The following MYO1G variants were observed in gnomAD, a reference collection of about 807,000 sequenced individuals.
MYO1G encodes the protein myosin IG, also known as unconventional myosin-Ig.
A neutral mutation model predicts 115.3 loss-of-function variants in MYO1G; 65 were observed. The observed-to-expected ratio is 0.56, with a 90% CI of 0.46 to 0.69. MYO1G has a LOEUF of 0.69. Among genes scored for constraint, MYO1G ranks in the 30% least tolerant of loss-of-function variants. The probability of loss-of-function intolerance (pLI) is 0.00; values close to 1 mark genes in which losing one functional copy is unlikely to be tolerated. For synonymous variants in MYO1G, 510 were observed against 552.6 expected (o/e 0.92, Z 1.08); for missense variants, 1,204 against 1,393.5 (o/e 0.86, Z 2.16).
rs777914591 is a variant in MYO1G at position 44,966,147 on chromosome 7, A to T, written c.2083T>A (p.Ser695Thr). The stretch of plus-strand genomic sequence containing the variant: ...TCCAGTGTGACCAGTGTCCGGGGTG[A>T]GCGGATGAACAGCTTGCTGTGGCCA... ...AFGHSKLFIR[S>T]PRTLVTLEQS... is the part of the protein sequence containing the mutation. Residue 695 changes from serine to threonine, a missense_variant, in exon 16 of 22, where the codon TCA becomes ACA. Coordinates refer to ENST00000258787, the MANE Select transcript of MYO1G (RefSeq NM_033054.3). This position sits in a 1 kb window ranked among gnomAD's most constrained non-coding sequence, Gnocchi z 5.0. 2 of 1,612,872 alleles carry T rather than the reference A, an allele frequency of 1.2e-6. No homozygotes were observed. The highest frequency in any genetic ancestry group is 3.3e-5 in the Admixed American group (2 of 59,982).
chr7:44,971,829 G>A, intron 6 of MYO1G, 40 bp from the exon 7 acceptor site: 3 of 1,429,266 alleles, frequency 2.1e-6, no homozygotes, highest in Non-Finnish European at 2.9e-6. Flanking sequence ...GCCACACTGG[G>A]CCCAGGACAC....
rs761378235 is a variant in MYO1G, at chr7:44,975,185, C to T, written c.607G>A (p.Ala203Thr). ...CCCTCAGGGCTTACTTGGTAGAAGG[C>T]GTGGAAGTTTCTTTCACCCACGTGC... Reference protein sequence around the residue: ...KQHVGERNFHAFYQLLRGSED... With the variant: ...KQHVGERNFHTFYQLLRGSED... Residue 203 changes from alanine (A) to threonine (T), a missense_variant, in exon 5 of 22, where the codon GCC (alanine) becomes ACC (threonine). Coordinates refer to ENST00000258787, the MANE Select transcript of MYO1G (RefSeq NM_033054.3). The T allele has an allele frequency of 1.9e-5, 31 of 1,613,996 alleles. No individual in the cohort carries two copies. The highest frequency in any genetic ancestry group is 2.3e-5 in the Non-Finnish European group (27 of 1,179,984).
intron 5 of MYO1G, 50 bp downstream of exon 5, chr7:44,975,124 C>G: frequency 6.3e-7 from 1 of 1,593,420 alleles, no homozygotes; most frequent in Non-Finnish European, 8.6e-7. Flanking sequence ...GCTTGCTGCC[C>G]TCCCTTTCCC....
rs1289002157 is a variant in MYO1G at position 44,976,626 on chromosome 7, A to C, written c.336T>G (p.Ser112Arg). 1 of 1,614,058 alleles carries C rather than the reference A, an allele frequency of 6.2e-7. No individual in the cohort carries two copies. The highest frequency in any genetic ancestry group is 1.1e-5 in the South Asian group (1 of 91,090). The change falls in exon 3 of 22, where the codon AGT becomes AGG. Residue 112 changes from serine to arginine, a missense_variant. By Grantham distance (110) the Ser-to-Arg change is moderately radical (BLOSUM62 -1). Coordinates refer to ENST00000258787, the MANE Select transcript of MYO1G (RefSeq NM_033054.3). The stretch of plus-strand genomic sequence containing the variant: ...CAGCGATGTACTGCATGATGTGCTT[A>C]CTGGCTTCTGTCTTCCCTGCCCCAC... ...GESGAGKTEA[S>R]KHIMQYIAAV...
rs1003683387 is a variant in MYO1G at position 44,964,740 on chromosome 7, C to T, written c.2526+205G>A. Among the ~76,000 whole-genome samples, 7 of 152,072 alleles carry T rather than the reference C, an allele frequency of 4.6e-5. No homozygotes were observed. The highest frequency in any genetic ancestry group is 1.7e-4 in the African/African-American group (7 of 41,346). On this transcript the variant is annotated intron_variant, in intron 18 of 21. Coordinates refer to ENST00000258787, the MANE Select transcript of MYO1G (RefSeq NM_033054.3). This position sits in a 1 kb window ranked among gnomAD's most constrained non-coding sequence, Gnocchi z 5.1. ...ATCTGAGCCTGGCCCTCCTGTCATC[C>T]ACACCCACCCCCGAAGGCCACTGCT... is the stretch of plus-strand genomic sequence containing the variant.
chr7:44,974,857 C>A, intron 5 of MYO1G: 1 of 436,544 alleles, frequency 2.3e-6, no homozygotes, highest in Non-Finnish European at 4.3e-6. Flanking sequence ...TGCCTGTAAT[C>A]CCAGGGGAAG....
chr7:44,969,118 A>T lies in MYO1G; in HGVS notation c.1574+295T>A. On this transcript the variant is annotated intron_variant, in intron 12 of 21. Coordinates refer to ENST00000258787, the MANE Select transcript of MYO1G (RefSeq NM_033054.3). The surrounding 1 kb of genome is among the most constrained non-coding windows in gnomAD (Gnocchi z 5.0). ...CCCCACCCCCACATCACCAGCCTGA[A>T]GCCCCCCACCCCACAGATGCTGGTA... is the stretch of plus-strand genomic sequence containing the variant. 1 of 308,600 alleles carries T rather than the reference A, an allele frequency of 3.2e-6. No homozygotes were observed. Among genetic ancestry groups the T allele is most frequent in the Non-Finnish European group, 6.3e-6 (1 of 159,478 alleles). The allele number at this position is 308,600 out of a possible 1,614,324, so 19.1% of individuals were successfully genotyped here.
At position 44,962,760 on chromosome 7, in the gene MYO1G, G is replaced by T. The variant is rs755705969; in HGVS notation, c.3036C>A (p.Thr1012=). The T allele has an allele frequency of 3.0e-5, 45 of 1,485,338 alleles. 2 individuals are homozygous for T. The East Asian group carries it at 1.2e-3, about 39-fold the overall frequency. 92.0% of individuals were successfully genotyped at this position (1,485,338 alleles called of 1,614,324 possible). The change falls in exon 22 of 22, where the codon ACC becomes ACA. Residue 1012 remains threonine (T), a synonymous_variant. Coordinates refer to ENST00000258787, the MANE Select transcript of MYO1G (RefSeq NM_033054.3). The surrounding 1 kb of genome is among the most constrained non-coding windows in gnomAD (Gnocchi z 5.3). ...GCGCTCAGCGGCTGGGCCAGAGCAG[G>T]GTGAAGGAGCCGCGAGCGCAGCGGA... ...PDFRCARGSF[T]LLWPSR
Position 44,969,561 on chromosome 7 carries a change from TC to T in MYO1G, c.1504-79del. The T allele has an allele frequency of 5.7e-6, 9 of 1,583,260 alleles. 1 individual carries two copies. The South Asian group carries it at 1.0e-4, about 18-fold the overall frequency. On this transcript the variant is annotated intron_variant, in intron 11 of 21. Transcript: ENST00000258787. The surrounding 1 kb of genome is among the most constrained non-coding windows in gnomAD (Gnocchi z 5.0). ...GAAGGGATAGCCCTGCCTCCCCACC[TC>T]CAGGGCAGAGAAGGTTGCCACAGTG...
In MYO1G at chr7:44,976,664, G is replaced by A. The variant is rs1795054709; in HGVS notation, c.305-7C>T. 1 of 1,613,992 alleles carries A rather than the reference G, an allele frequency of 6.2e-7. No individual in the cohort carries two copies. The highest frequency in any genetic ancestry group is 2.2e-5 in the East Asian group (1 of 44,878). On this transcript the variant is annotated splice_region_variant and splice_polypyrimidine_tract_variant and intron_variant, in intron 2 of 21. Transcript: ENST00000258787. ...TTCCCTGCCCCACTCTCCCCTGCCG[G>A]AAAGACCAGAGTTGAGAGAATCAGC...
At chr7:44,971,526 C>T (rs1162831933) in intron 7 of MYO1G, 147 bp downstream of exon 7, 11 of 633,636 alleles carry the variant, frequency 1.7e-5, no homozygotes, top group South Asian at 3.8e-5. Flanking sequence ...GCTCATCACT[C>T]GAGCAGCTCA....
chr7:44,967,876 G>A lies in MYO1G; in HGVS notation c.1649+8C>T, dbSNP rs367988741. On this transcript the variant is annotated splice_region_variant and intron_variant, in intron 13 of 21. Transcript: ENST00000258787. ...CCCTCCCTATGGTGCCCAGCAAGCC[G>A]TGCTCACCTGTTGTACAGCAGCCGC... The A allele has an allele frequency of 2.4e-5, 38 of 1,613,754 alleles. No homozygotes were observed. The Middle Eastern group carries it at 4.9e-4, about 21-fold the overall frequency.
At position 44,962,701 on chromosome 7, in the gene MYO1G, G is replaced by C. The variant is rs745854531; in HGVS notation, c.*38C>G. 2.8e-6 allele frequency: 4 copies of C among 1,452,128 alleles called. No individual in the cohort carries two copies. In the African/African-American group the frequency reaches 6.0e-5, roughly 22 times the overall value. 90.0% of individuals were successfully genotyped at this position (1,452,128 alleles called of 1,614,324 possible). A position where few individuals can be genotyped will look rare whatever the true frequency, so the allele number is the denominator to read the frequency against. On this transcript the variant is annotated 3_prime_UTR_variant, in exon 22 of 22. Coordinates refer to ENST00000258787, the MANE Select transcript of MYO1G (RefSeq NM_033054.3). The surrounding 1 kb of genome is among the most constrained non-coding windows in gnomAD (Gnocchi z 5.3). ...GTTTATTTGCAGCGCTGGCGGGGCG[G>C]ACAATTGGCGGCCTCGGGGTGCGGC... is the stretch of plus-strand genomic sequence containing the variant.
At chr7:44,976,380 C>G (rs2128703064) in intron 3 of MYO1G, among the ~76,000 whole-genome samples, 184 bp downstream of exon 3, 1 of 152,322 alleles carries the variant, frequency 6.6e-6, no homozygotes, top group East Asian at 1.9e-4. Context: ...AGGTCCTTGG[C>G]ATGGGTCACC....
At position 44,965,764 on chromosome 7, in the gene MYO1G, G is replaced by C; in HGVS notation, c.2254C>G (p.Leu752Val). The change falls in exon 17 of 22, where the codon CTG becomes GTG. Residue 752 changes from leucine to valine, a missense_variant. By Grantham distance (32) the Leu-to-Val change is conservative. Transcript: ENST00000258787. ...WFRRHKVRAH[L>V]AELQRRFQAA... ...TGGAATCGCCGCTGCAGCTCAGCCA[G>C]GTGAGCCCGCACCTTGTGTCTCCGG... 1 of 1,606,800 alleles carries C rather than the reference G, an allele frequency of 6.2e-7. No individual in the cohort carries two copies. The highest frequency in any genetic ancestry group is 1.7e-5 in the Admixed American group (1 of 59,964).
chr7:44,965,569 G>A (rs1387719657), intron 17 of MYO1G, 68 bp downstream of exon 17: 39 of 1,463,290 alleles, frequency 2.7e-5, no homozygotes, highest in Non-Finnish European at 2.6e-5. Flanking sequence ...CTGCAGGCCC[G>A]GGATGATGGG....
At position 44,963,300 on chromosome 7, in the gene MYO1G, A is replaced by T; in HGVS notation, c.2746-176T>A. On this transcript the variant is annotated intron_variant, in intron 20 of 21. Coordinates refer to ENST00000258787, the MANE Select transcript of MYO1G (RefSeq NM_033054.3). The surrounding 1 kb of genome is among the most constrained non-coding windows in gnomAD (Gnocchi z 4.1). ...TCCTCCCTCTCGGGGCCCTGCTGAC[A>T]GGGGGAAGCTTGGGCGGGACGCTGC... The T allele has an allele frequency of 1.5e-6, 1 of 658,652 alleles. No homozygotes were observed. The highest frequency in any genetic ancestry group is 2.2e-5 in the South Asian group (1 of 45,720). 40.8% of individuals were successfully genotyped at this position (658,652 alleles called of 1,614,324 possible).
At chr7:44,971,103 A>G (rs1423825929) in intron 7 of MYO1G, 44 bp from the exon 8 acceptor site, 1 of 1,549,160 alleles carries the variant, frequency 6.5e-7, no homozygotes, top group Non-Finnish European at 8.8e-7. Flanking sequence ...CCATGTCTCA[A>G]AAGAGCCTGG....
chr7:44,967,830 TCTGGGGCCCCAGGGCC>T (rs1794875238), intron 13 of MYO1G, 38 bp downstream of exon 13: 2 of 1,612,540 alleles, frequency 1.2e-6, no homozygotes, highest in Admixed American at 3.3e-5. Flanking sequence ...CCCCAGAGTC[TCTGGGGCCCCAGGGCC>T]CTGGCCCTCC....
Sources: gnomAD v4.1 joint callset for allele counts (sites outside exome capture counted in the v4.1 genomes callset) on GRCh38, gnomAD v4.1.1 for gene constraint, Gnocchi (gnomAD v3.1) non-coding constraint, MANE v1.5 for transcripts, NCBI Gene and HGNC (gene_info 2026-07-23, HGNC 2026-07-21) for gene names.